TMC7: variants seen among roughly 807,000 people sequenced by gnomAD.
The protein encoded by TMC7 is transmembrane channel like 7, also known as transmembrane channel-like protein 7.
TMC7 carries 54 observed loss-of-function variants against 82.9 expected under a neutral mutation model. That is an observed-to-expected ratio of 0.65 (90% CI 0.52 to 0.82). The LOEUF (loss-of-function observed/expected upper bound fraction) is 0.82, where lower values mean the gene tolerates loss of function less well. TMC7 is among the 40% of genes least tolerant of loss of function. The probability of loss-of-function intolerance (pLI) is 0.00; values close to 1 mark genes in which losing one functional copy is unlikely to be tolerated. For synonymous variants in TMC7, 350 were observed against 337.9 expected (o/e 1.04, Z -0.39); for missense variants, 820 against 901.2 (o/e 0.91, Z 1.15).
chr16:19,001,251 A>G (rs2039136021), intron 1 of TMC7, among the ~76,000 whole-genome samples: 3 of 152,126 alleles, frequency 2.0e-5, no homozygotes, highest in South Asian at 2.1e-4. Flanking sequence ...TTCAACTTAG[A>G]AGGTATTTAT....
chr16:18,997,300 C>T (rs1236779124), intron 1 of TMC7, among the ~76,000 whole-genome samples: 2 of 152,234 alleles, frequency 1.3e-5, no homozygotes, highest in Non-Finnish European at 2.9e-5. Context: ...AGAGGCCTGA[C>T]ACTGACCTCA....
In TMC7 at chr16:19,035,679, G is replaced by T; in HGVS notation, c.861G>T (p.Ser287=). ...ALSLLWIVKR[S]VEGFKINLIR... ...GATGATTGTGTTTTGGGGTCAGGTCGGTGGAAGGATTCAAAATCAACCTGA... is the reference window on the plus strand; with the variant it reads ...GATGATTGTGTTTTGGGGTCAGGTCTGTGGAAGGATTCAAAATCAACCTGA... The change falls in exon 7 of 16, where the codon TCG becomes TCT. Residue 287 remains serine (S), a synonymous_variant. Coordinates refer to ENST00000304381, the MANE Select transcript of TMC7 (RefSeq NM_024847.4). 6.2e-7 allele frequency: 1 copy of T among 1,614,114 alleles called. No individual in the cohort carries two copies. The highest frequency in any genetic ancestry group is 1.1e-5 in the South Asian group (1 of 91,084).
intron 1 of TMC7, among the ~76,000 whole-genome samples, chr16:19,008,752 C>G (rs1029656578): frequency 6.6e-6 from 1 of 152,152 alleles, no homozygotes; most frequent in Non-Finnish European, 1.5e-5. Flanking sequence ...GCATGGTATA[C>G]TTTATGCTTT....
intron 5 of TMC7, among the ~76,000 whole-genome samples, chr16:19,025,615 G>T (rs115920892): frequency 0.027 from 4,094 of 152,108 alleles, 127 homozygotes; most frequent in African/African-American, 0.073. Context: ...GGGAGAGTTT[G>T]TCTCAAAACA....
chr16:19,033,361 T>C (rs1003080634), intron 6 of TMC7, among the ~76,000 whole-genome samples: 2 of 152,156 alleles, frequency 1.3e-5, no homozygotes, highest in Non-Finnish European at 2.9e-5. Flanking sequence ...TTTTCCTTCC[T>C]CTGGATCTTA....
In TMC7 at chr16:19,063,103, G is replaced by A. The variant is rs1962074805; in HGVS notation, c.*1260G>A. 6.6e-6 allele frequency: 1 copy of A among 152,162 alleles called. No homozygotes were observed. The highest frequency in any genetic ancestry group is 2.1e-4 in the South Asian group (1 of 4,834). 9.4% of individuals were successfully genotyped at this position (152,162 alleles called of 1,614,324 possible). A position where few individuals can be genotyped will look rare whatever the true frequency, so the allele number is the denominator to read the frequency against. On this transcript the variant is annotated 3_prime_UTR_variant, in exon 16 of 16. Transcript: ENST00000304381. ...ATATTTTTGTAACTGGGATACCAAT[G>A]AGCTTTTCGGTCTTTTCCTGACTTG...
chr16:19,017,922 G>T (rs564640148), intron 3 of TMC7, among the ~76,000 whole-genome samples: 3 of 152,004 alleles, frequency 2.0e-5, no homozygotes, highest in African/African-American at 7.2e-5. Flanking sequence ...CGCCCTTCTC[G>T]GCCTCCCAAA....
intron 15 of TMC7, among the ~76,000 whole-genome samples, chr16:19,060,231 G>T (rs1157939948): frequency 6.6e-6 from 1 of 152,060 alleles, no homozygotes. Context: ...TCAGGACGGG[G>T]TCTCACTCTC....
intron 14 of TMC7, among the ~76,000 whole-genome samples, chr16:19,058,545 T>C (rs940129738): frequency 7.2e-5 from 11 of 152,180 alleles, no homozygotes; most frequent in Non-Finnish European, 1.3e-4. Context: ...TTCTCAACCA[T>C]GTCATTCTCT....
chr16:19,035,725 C>A lies in TMC7; in HGVS notation c.907C>A (p.Gln303Lys). ...INLIRSEEHF[Q>K]SYCNKIFAGW... ...CCTGATTCGGAGTGAGGAGCACTTT[C>A]AGAGTTACTGCAACAAGATATTTGC... Residue 303 changes from glutamine to lysine, a missense_variant, in exon 7 of 16, where the codon CAG becomes AAG. Coordinates refer to ENST00000304381, the MANE Select transcript of TMC7 (RefSeq NM_024847.4). 6.2e-7 allele frequency: 1 copy of A among 1,613,960 alleles called. No individual in the cohort carries two copies. The highest frequency in any genetic ancestry group is 8.5e-7 in the Non-Finnish European group (1 of 1,179,984).
intron 13 of TMC7, 35 bp downstream of exon 13, chr16:19,051,851 G>A: frequency 6.2e-7 from 1 of 1,611,104 alleles, no homozygotes; most frequent in Non-Finnish European, 8.5e-7. Context: ...ACATTTCATT[G>A]CTTCTTGACC....
chr16:18,997,317 C>T (rs2039060207), intron 1 of TMC7, among the ~76,000 whole-genome samples: 1 of 152,256 alleles, frequency 6.6e-6, no homozygotes, highest in Admixed American at 6.5e-5. Flanking sequence ...CTCAAGTGAT[C>T]AGCCTGCCTT....
chr16:18,996,195 G>A (rs200858719), intron 1 of TMC7, among the ~76,000 whole-genome samples: 1 of 152,008 alleles, frequency 6.6e-6, no homozygotes, highest in African/African-American at 2.4e-5. Flanking sequence ...TTGGCCTGGC[G>A]AGGAGCAGCC....
rs1305363408 is a variant in TMC7, at chr16:19,003,577, T to C, written c.68-5595T>C. On this transcript the variant is annotated intron_variant, in intron 1 of 15. Coordinates refer to ENST00000304381, the MANE Select transcript of TMC7 (RefSeq NM_024847.4). ...CGGGCCAGGATGACAATGGCGGCTTTGTGGAATAGAAAGGCGGGAAAGGTG... is the reference window on the plus strand; with the variant it reads ...CGGGCCAGGATGACAATGGCGGCTTCGTGGAATAGAAAGGCGGGAAAGGTG... Among the ~76,000 whole-genome samples, 5 of 147,858 alleles carry C rather than the reference T, an allele frequency of 3.4e-5. No individual in the cohort carries two copies. In the East Asian group the frequency reaches 1.0e-3, roughly 30 times the overall value.
intron 11 of TMC7, among the ~76,000 whole-genome samples, chr16:19,046,555 C>T (rs1464939514): frequency 1.3e-5 from 2 of 152,012 alleles, no homozygotes; most frequent in East Asian, 1.9e-4. Context: ...AATATGGAAG[C>T]CTGGGCACAG....
Position 19,051,812 on chromosome 16 carries a change from T to A in TMC7, c.1867T>A (p.Ser623Thr). 2 of 1,614,114 alleles carry A rather than the reference T, an allele frequency of 1.2e-6. No homozygotes were observed. Among genetic ancestry groups the A allele is most frequent in the South Asian group, 1.1e-5 (1 of 91,086 alleles). The stretch of plus-strand genomic sequence containing the variant: ...AATAATACCTCTGACAATCAGCATA[T>A]CACGGTAAATGTGACTTTGTTTTCT... ...LAIIPLTISI[S>T]RIPSSKACGP... Residue 623 changes from serine (S) to threonine (T), a missense_variant, in exon 13 of 16, where the codon TCA (serine) becomes ACA (threonine). This residue lies in a region of TMC7 where 170 missense variants were observed against 231.3 expected (regional missense o/e 0.74). Transcript: ENST00000304381.
At chr16:19,015,836 A>C (rs1364227951) in intron 2 of TMC7, among the ~76,000 whole-genome samples, 1 of 151,902 alleles carries the variant, frequency 6.6e-6, no homozygotes. Context: ...TCAGCCTCCC[A>C]AAGTGCTTGG....
At chr16:18,989,600 C>T (rs2038912408) in intron 1 of TMC7, among the ~76,000 whole-genome samples, 1 of 140,876 alleles carries the variant, frequency 7.1e-6, no homozygotes, top group African/African-American at 2.5e-5. Context: ...CCTGAGCGAT[C>T]ACCACATACC....
chr16:19,059,740 G>T, intron 15 of TMC7: 2 of 1,425,576 alleles, frequency 1.4e-6, no homozygotes, highest in Non-Finnish European at 1.9e-6. Flanking sequence ...CTTTTGGGAG[G>T]CCGAGGCAGG....
Sources: allele counts gnomAD v4.1 joint callset (sites outside exome capture counted in the v4.1 genomes callset), GRCh38; gene constraint gnomAD v4.1.1; regional missense constraint gnomAD v4.1.1; transcripts MANE v1.5; gene names NCBI Gene and HGNC (gene_info 2026-07-23, HGNC 2026-07-21).